The following PDE12 variants were observed in gnomAD, a reference collection of about 807,000 sequenced individuals.
PDE12 encodes 2',5'-phosphodiesterase 12.
Under a neutral mutation model 45.4 loss-of-function variants are expected in PDE12, and 26 were observed. The ratio of observed to expected loss-of-function variants is 0.57; its 90% confidence interval spans 0.42 to 0.79. The LOEUF (loss-of-function observed/expected upper bound fraction) is 0.79, where lower values mean the gene tolerates loss of function less well. Among genes scored for constraint, PDE12 ranks in the 30% least tolerant of loss-of-function variants. The probability of loss-of-function intolerance (pLI) is 0.00; values close to 1 mark genes in which losing one functional copy is unlikely to be tolerated. For missense variants in PDE12, 668 were observed against 790.0 expected, an observed-to-expected ratio of 0.85 and a Z score of 1.85; for synonymous variants, 283 against 323.9, an observed-to-expected ratio of 0.87 and a Z score of 1.36.
At chr3:57,614,801 T>C in the PDE12 span, among the ~76,000 whole-genome samples, 1 of 151,712 alleles carries the variant, frequency 6.6e-6, no homozygotes, top group Non-Finnish European at 1.5e-5. Context: ...AAGACCAGCC[T>C]GACCAAGATG....
chr3:57,572,328 T>A, the PDE12 span: 6 of 1,524,236 alleles, frequency 3.9e-6, no homozygotes, highest in Non-Finnish European at 5.4e-6. Context: ...AAATACTTGA[T>A]TAACAAAGTT....
At chr3:57,636,794 G>A in the PDE12 span, among the ~76,000 whole-genome samples, 2 of 152,100 alleles carry the variant, frequency 1.3e-5, no homozygotes, top group East Asian at 1.9e-4. Context: ...AAAATTAGCT[G>A]GGCATGGTGG....
At chr3:57,572,089 GTT>G in the PDE12 span, 4 of 713,566 alleles carry the variant, frequency 5.6e-6, no homozygotes, top group East Asian at 1.0e-4. Context: ...AACAAAATAA[GTT>G]TAATATTCTG....
the PDE12 span, among the ~76,000 whole-genome samples, chr3:57,635,464 T>C: frequency 1.3e-5 from 2 of 152,104 alleles, no homozygotes; most frequent in African/African-American, 4.8e-5. Context: ...CACTTAAAAG[T>C]GTCATGAACA....
chr3:57,556,938 T>C lies in PDE12; in HGVS notation c.559T>C (p.Phe187Leu). Residue 187 changes from phenylalanine to leucine, a missense_variant, in exon 1 of 3, where the codon TTT (phenylalanine) becomes CTT (leucine). Phe to Leu is a conservative substitution (Grantham distance 22). Transcript: ENST00000311180. This position sits in a 1 kb window ranked among gnomAD's most constrained non-coding sequence, Gnocchi z 5.0. ...TGTGTGCCCCAAACTCAGCCTCGAA[T>C]TTGGGGATCCCGCCAGCTCCCTTTT... The part of the protein sequence containing the change: ...FPVCPKLSLE[F>L]GDPASSLFRW... 1 of 1,614,166 alleles carries C rather than the reference T, an allele frequency of 6.2e-7. No homozygotes were observed. Among genetic ancestry groups the C allele is most frequent in the Non-Finnish European group, 8.5e-7 (1 of 1,180,024 alleles).
At chr3:57,600,584 A>C in the PDE12 span, among the ~76,000 whole-genome samples, 4 of 151,222 alleles carry the variant, frequency 2.6e-5, no homozygotes, top group Non-Finnish European at 5.9e-5. Context: ...TTTTTGGTAG[A>C]GTTGGCGTTT....
the PDE12 span, among the ~76,000 whole-genome samples, chr3:57,649,779 C>A: frequency 1.6e-4 from 24 of 151,836 alleles, no homozygotes; most frequent in Admixed American, 1.6e-3. Flanking sequence ...TGCTCACTCT[C>A]TGATTCTCCT....
the PDE12 span, among the ~76,000 whole-genome samples, chr3:57,641,343 TTAAG>T: frequency 1.4e-5 from 2 of 145,020 alleles, no homozygotes; most frequent in African/African-American, 5.0e-5. Context: ...AAATATATAT[TTAAG>T]TATATATTTA....
chr3:57,601,260 C>A, the PDE12 span, among the ~76,000 whole-genome samples: 2 of 152,060 alleles, frequency 1.3e-5, no homozygotes, highest in Non-Finnish European at 1.5e-5. Flanking sequence ...CAGGCACATG[C>A]CACTGCGCCC....
rs2069723499 is a variant in PDE12, at chr3:57,561,096, T to G, written c.*1092T>G. 6 of 983,844 alleles carry G rather than the reference T, an allele frequency of 6.1e-6. No homozygotes were observed. Among genetic ancestry groups the G allele is most frequent in the Non-Finnish European group, 7.2e-6 (6 of 828,228 alleles). The allele number at this position is 983,844 out of a possible 1,614,324, so 60.9% of individuals were successfully genotyped here. A position where few individuals can be genotyped will look rare whatever the true frequency, so the allele number is the denominator to read the frequency against. On this transcript the variant is annotated 3_prime_UTR_variant, in exon 3 of 3. Coordinates refer to ENST00000311180, the MANE Select transcript of PDE12 (RefSeq NM_177966.7). The stretch of plus-strand genomic sequence containing the variant: ...TTAGGATGCAAGCACAATTTAGTAT[T>G]CAAAGTGAGTAGCAACATATTCAAC...
the PDE12 span, among the ~76,000 whole-genome samples, chr3:57,636,469 CACAGTCTA>C: frequency 6.6e-6 from 1 of 152,110 alleles, no homozygotes; most frequent in Admixed American, 6.5e-5. Context: ...ATCAATGAGC[CACAGTCTA>C]ACAGCAAAAT....
At chr3:57,654,963 T>C in the PDE12 span, 246 of 242,348 alleles carry the variant, frequency 1.0e-3, 3 homozygotes, top group African/African-American at 5.3e-3. Flanking sequence ...AGATATTAAA[T>C]GCTTGATATA....
chr3:57,643,006 C>A, the PDE12 span, among the ~76,000 whole-genome samples: 536 of 104,158 alleles, frequency 5.1e-3, no homozygotes, highest in Admixed American at 6.3e-3. Context: ...GACTTCATCT[C>A]AAAAAAAAAA....
At chr3:57,569,829 C>CAAAAAAAAAAAAA (rs11310053), downstream of PDE12, among the ~76,000 whole-genome samples, 1 of 67,878 alleles carries the variant, frequency 1.5e-5, no homozygotes. Flanking sequence ...AAAACCATCT[C>CAAAAAAAAAAAAA]AAAAAAAAAA....
At chr3:57,598,340 T>C in the PDE12 span, 4 of 152,316 alleles carry the variant, frequency 2.6e-5, no homozygotes, top group East Asian at 5.8e-4. Flanking sequence ...TAGGATGGGG[T>C]TGAATAAGAA....
the PDE12 span, among the ~76,000 whole-genome samples, chr3:57,631,681 T>TGAAATGA: frequency 6.6e-6 from 1 of 151,752 alleles, no homozygotes; most frequent in Non-Finnish European, 1.5e-5. Flanking sequence ...AATTTAGACT[T>TGAAATGA]GAAATGAGGT....
chr3:57,636,936 C>CAAAA, the PDE12 span, among the ~76,000 whole-genome samples: 8 of 51,984 alleles, frequency 1.5e-4, no homozygotes, highest in Non-Finnish European at 2.8e-4. Flanking sequence ...GACTCTGTCT[C>CAAAA]AAAAAAAAAA....
At chr3:57,584,047 TAAGAAAA>T in the PDE12 span, 1 of 1,349,252 alleles carries the variant, frequency 7.4e-7, no homozygotes, top group South Asian at 1.2e-5. Flanking sequence ...GCAGCGTCAT[TAAGAAAA>T]TAAAACCTTT....
chr3:57,560,611 C>A lies in PDE12; in HGVS notation c.*607C>A. The A allele has an allele frequency of 1.0e-6, 1 of 983,440 alleles. No individual in the cohort carries two copies. Among genetic ancestry groups the A allele is most frequent in the Non-Finnish European group, 1.2e-6 (1 of 828,110 alleles). 60.9% of individuals were successfully genotyped at this position (983,440 alleles called of 1,614,324 possible). Reference sequence around the variant, plus strand: ...AAAGTGTTGGGATTACAGGCGTGAGCCACCGCACCCGGCCCTTGTGTACAT... The same window carrying A: ...AAAGTGTTGGGATTACAGGCGTGAGACACCGCACCCGGCCCTTGTGTACAT... On this transcript the variant is annotated 3_prime_UTR_variant, in exon 3 of 3. Coordinates refer to ENST00000311180, the MANE Select transcript of PDE12 (RefSeq NM_177966.7).
Sources: gnomAD v4.1 joint callset for allele counts (sites outside exome capture counted in the v4.1 genomes callset) on GRCh38, gnomAD v4.1.1 for gene constraint, Gnocchi (gnomAD v3.1) non-coding constraint, MANE v1.5 for transcripts, NCBI Gene and HGNC (gene_info 2026-07-23, HGNC 2026-07-21) for gene names.